The following DNAH17 variants were observed in gnomAD, a reference collection of about 807,000 sequenced individuals.
DNAH17 encodes axonemal beta dynein heavy chain 17.
A neutral mutation model predicts 485.6 loss-of-function variants in DNAH17; 376 were observed. The observed-to-expected ratio is 0.77, with a 90% CI of 0.71 to 0.84. The LOEUF (loss-of-function observed/expected upper bound fraction) is 0.84, where lower values mean the gene tolerates loss of function less well. DNAH17 is among the 40% of genes least tolerant of loss of function. The pLI is 0.00. For synonymous variants in DNAH17, 3,031 were observed against 2,405.9 expected, an observed-to-expected ratio of 1.26 and a Z score of -7.60; for missense variants, 6,370 against 5,839.3, an observed-to-expected ratio of 1.09 and a Z score of -2.96.
chr17:78,472,314 T>TAGGGTTAGGGGGTGGGGGTGCG (rs2088797410), intron 54 of DNAH17, among the ~76,000 whole-genome samples: 1 of 139,452 alleles, frequency 7.2e-6, no homozygotes, highest in African/African-American at 3.3e-5. Flanking sequence ...GTGCGAGGGT[T>TAGGGTTAGGGGGTGGGGGTGCG]AGGGTTAGGG....
chr17:78,494,495 C>A, intron 40 of DNAH17, 98 bp downstream of exon 40: 2 of 1,326,068 alleles, frequency 1.5e-6, no homozygotes, highest in Non-Finnish European at 1.1e-6. Context: ...GGGAAACGTG[C>A]GTGTGTGACA....
chr17:78,526,524 TCGTGCACGGCCC>T, intron 24 of DNAH17, 115 bp downstream of exon 24: 1 of 750,524 alleles, frequency 1.3e-6, no homozygotes, highest in South Asian at 1.9e-5. Context: ...ATAAGAGCAC[TCGTGCACGGCCC>T]CAAGGTCAGT....
At chr17:78,475,892 A>C (rs1205366619) in intron 52 of DNAH17, 59 bp from the exon 53 acceptor site, 1 of 1,569,730 alleles carries the variant, frequency 6.4e-7, no homozygotes, top group African/African-American at 1.4e-5. Context: ...CCACACAGAT[A>C]GTTAACAGCA....
chr17:78,446,432 G>A (rs1279829416), intron 69 of DNAH17, among the ~76,000 whole-genome samples: 1 of 152,014 alleles, frequency 6.6e-6, no homozygotes, highest in African/African-American at 2.4e-5. Flanking sequence ...TGCCCCGTTT[G>A]CATCTGGCAT....
chr17:78,478,003 CATCACCAT>C (rs2089132009), intron 51 of DNAH17, among the ~76,000 whole-genome samples: 1 of 121,270 alleles, frequency 8.2e-6, no homozygotes, highest in Non-Finnish European at 1.6e-5. Flanking sequence ...CCACCACCAT[CATCACCAT>C]CATCACCATC....
chr17:78,508,521 C>G (rs897432890), intron 27 of DNAH17, among the ~76,000 whole-genome samples: 19 of 152,226 alleles, frequency 1.2e-4, no homozygotes, highest in African/African-American at 4.3e-4. Flanking sequence ...GCATACTTTT[C>G]TCCTCTTGAT....
rs2088966380 is a variant in DNAH17 at position 78,475,371 on chromosome 17, G to T, written c.8418C>A (p.Gly2806=). ...NALLVGVGGS[G]KQSLSRLAAY... ...CTGCCAGGCGGGAGAGGCTCTGTTT[G>T]CCACTGCCGCCCACCCCCACCAGCA... The change falls in exon 54 of 81, where the codon GGC becomes GGA. Residue 2806 remains glycine (G), a synonymous_variant. Transcript: ENST00000389840. The T allele has an allele frequency of 6.2e-7, 1 of 1,613,948 alleles. No individual in the cohort carries two copies.
At chr17:78,457,552 AT>A (rs1208190112) in intron 62 of DNAH17, among the ~76,000 whole-genome samples, 1 of 151,792 alleles carries the variant, frequency 6.6e-6, no homozygotes, top group Non-Finnish European at 1.5e-5. Context: ...TACTTAAAAA[AT>A]TTTTTTGTAG....
chr17:78,502,419 T>A, intron 33 of DNAH17, 172 bp downstream of exon 33: 1 of 570,046 alleles, frequency 1.8e-6, no homozygotes, highest in Admixed American at 3.6e-5. Flanking sequence ...CCTGGGGCTG[T>A]GGTGCGTGGC....
In DNAH17 at chr17:78,480,801, C is replaced by A. The variant is rs370949526; in HGVS notation, c.7650-15G>T. On this transcript the variant is annotated splice_polypyrimidine_tract_variant and intron_variant, in intron 48 of 80. Transcript: ENST00000389840. ...GTCTGTCATACCTGAGGGGGGAAAC[C>A]AGCATTCATGTTGTGCCCCTGGCCT... 2.1e-5 allele frequency: 34 copies of A among 1,597,266 alleles called. No individual in the cohort carries two copies. Among genetic ancestry groups the A allele is most frequent in the Non-Finnish European group, 2.8e-5 (33 of 1,168,086 alleles).
chr17:78,509,826 T>C (rs1515022), intron 27 of DNAH17, among the ~76,000 whole-genome samples: 92,198 of 152,098 alleles, frequency 0.61, 28,433 homozygotes, highest in African/African-American at 0.67. Flanking sequence ...TACAAAATGT[T>C]CCAAACTATT....
chr17:78,534,307 A>G lies in DNAH17; in HGVS notation c.2860-1571T>C, dbSNP rs563666830. 2.0e-5 allele frequency among the ~76,000 whole-genome samples: 3 copies of G among 152,308 alleles called. No homozygotes were observed. In the South Asian group the frequency reaches 6.2e-4, roughly 32 times the overall value. ...TGTCTGTGCAGGGGACCTCGTTGGT[A>G]AGGGGTGGCACGAGGAAACGGTGTA... On this transcript the variant is annotated intron_variant, in intron 19 of 80. Coordinates refer to ENST00000389840, the MANE Select transcript of DNAH17 (RefSeq NM_173628.4).
At chr17:78,501,491 C>T in intron 34 of DNAH17, 147 bp from the exon 35 acceptor site, 1 of 1,067,762 alleles carries the variant, frequency 9.4e-7, no homozygotes, top group Admixed American at 2.9e-5. Context: ...CCACATCCAA[C>T]TGTATGGCCA....
intron 21 of DNAH17, among the ~76,000 whole-genome samples, chr17:78,530,126 C>T (rs1568204201): frequency 6.6e-6 from 1 of 152,256 alleles, no homozygotes; most frequent in Non-Finnish European, 1.5e-5. Context: ...AGAGCAGGTG[C>T]TCGGTACACC....
At chr17:78,425,625 G>T in intron 79 of DNAH17, 54 bp from the exon 80 acceptor site, 1 of 1,496,968 alleles carries the variant, frequency 6.7e-7, no homozygotes, top group South Asian at 1.3e-5. Flanking sequence ...ACATGGGAAC[G>T]ACCGGGCCTT....
intron 20 of DNAH17, 128 bp downstream of exon 20, chr17:78,532,354 A>G: frequency 1.5e-6 from 2 of 1,306,000 alleles, no homozygotes; most frequent in African/African-American, 1.5e-5. Context: ...TCACCTCCTG[A>G]TGTTTGCCTT....
At position 78,485,039 on chromosome 17, in the gene DNAH17, G is replaced by A. The variant is rs768750650; in HGVS notation, c.7484-6C>T. On this transcript the variant is annotated splice_region_variant and splice_polypyrimidine_tract_variant and intron_variant, in intron 47 of 80. Transcript: ENST00000389840. ...CAGCGGCTTCTCCAGCACCCCTAGA[G>A]AGGGCAGAGGGTCAGCTGCCCGCCT... is the stretch of plus-strand genomic sequence containing the variant. 6 of 1,596,676 alleles carry A rather than the reference G, an allele frequency of 3.8e-6. No homozygotes were observed. Among genetic ancestry groups the A allele is most frequent in the Admixed American group, 1.7e-5 (1 of 57,278 alleles).
At chr17:78,498,844 G>A (rs1263918007) in intron 37 of DNAH17, 164 bp downstream of exon 37, 9 of 502,394 alleles carry the variant, frequency 1.8e-5, no homozygotes, top group Non-Finnish European at 3.2e-5. Flanking sequence ...GCCTAACCAG[G>A]CTTTGGGACC....
chr17:78,475,647 C>T (rs1313185601), intron 53 of DNAH17, 22 bp downstream of exon 53: 4 of 1,612,244 alleles, frequency 2.5e-6, no homozygotes, highest in Non-Finnish European at 3.4e-6. Context: ...CGTGCCCTTG[C>T]TATCAGCTCC....
Sources: gnomAD v4.1 joint callset for allele counts (sites outside exome capture counted in the v4.1 genomes callset) on GRCh38, gnomAD v4.1.1 for gene constraint, MANE v1.5 for transcripts, NCBI Gene and HGNC (gene_info 2026-07-23, HGNC 2026-07-21) for gene names.